The following ATF6 variants were observed in gnomAD, a reference collection of about 807,000 sequenced individuals.
ATF6 encodes the protein activating transcription factor 6.
In ATF6, 53 loss-of-function variants were observed where a neutral mutation model predicts 83.6. That is an observed-to-expected ratio of 0.63 (90% confidence interval 0.51 to 0.80). The LOEUF (loss-of-function observed/expected upper bound fraction) is 0.80. Ranked by LOEUF, ATF6 falls within the 30% of genes least tolerant of loss-of-function variation. The pLI is 0.00. For synonymous variants in ATF6, 288 were observed against 285.8 expected, an observed-to-expected ratio of 1.01 and a Z score of -0.08; for missense variants, 744 against 797.9, an observed-to-expected ratio of 0.93 and a Z score of 0.81.
At chr1:161,939,577 A>T (rs754828673) in intron 15 of ATF6, among the ~76,000 whole-genome samples, 2 of 152,214 alleles carry the variant, frequency 1.3e-5, no homozygotes, top group Non-Finnish European at 2.9e-5. Context: ...GACTGATAGG[A>T]TAGCTTGTTA....
chr1:161,910,533 G>T (rs150878985), intron 14 of ATF6, among the ~76,000 whole-genome samples: 376 of 152,292 alleles, frequency 2.5e-3, no homozygotes, highest in Non-Finnish European at 4.6e-3. Context: ...ACAACAATTA[G>T]TATGGCATCT....
At chr1:161,774,216 C>T (rs1471175355) in intron 1 of ATF6, among the ~76,000 whole-genome samples, 1 of 152,150 alleles carries the variant, frequency 6.6e-6, no homozygotes, top group Non-Finnish European at 1.5e-5. Flanking sequence ...TTCTCTTCTG[C>T]CGCTATGAGA....
intron 15 of ATF6, among the ~76,000 whole-genome samples, chr1:161,916,570 A>T (rs953374041): frequency 9.2e-5 from 14 of 152,196 alleles, no homozygotes; most frequent in African/African-American, 3.1e-4. Context: ...TGTATAGCAT[A>T]TATTCAAATC....
chr1:161,817,713 T>A (rs1233732093), intron 7 of ATF6, among the ~76,000 whole-genome samples: 2 of 152,136 alleles, frequency 1.3e-5, no homozygotes, highest in African/African-American at 4.8e-5. Flanking sequence ...TTGAAAATAT[T>A]TGGTGTTGGC....
intron 9 of ATF6, among the ~76,000 whole-genome samples, chr1:161,838,954 A>C (rs567228845): frequency 1.5e-4 from 23 of 152,286 alleles, no homozygotes; most frequent in African/African-American, 5.1e-4. Context: ...AGAAAAGAAA[A>C]CCTTTTTAAA....
chr1:161,898,274 A>G (rs1687714575), intron 14 of ATF6, among the ~76,000 whole-genome samples: 1 of 152,168 alleles, frequency 6.6e-6, no homozygotes, highest in Non-Finnish European at 1.5e-5. Flanking sequence ...TAGAGTACTA[A>G]TATTCTGTAT....
intron 15 of ATF6, among the ~76,000 whole-genome samples, chr1:161,956,690 A>G (rs569127573): frequency 1.3e-5 from 2 of 152,198 alleles, no homozygotes; most frequent in Non-Finnish European, 2.9e-5. Context: ...CTTCAACTAT[A>G]ATGGAAGAGA....
intron 15 of ATF6, among the ~76,000 whole-genome samples, chr1:161,920,481 A>G (rs1160685402): frequency 6.6e-6 from 1 of 151,492 alleles, no homozygotes; most frequent in Non-Finnish European, 1.5e-5. Flanking sequence ...TTTTTAGTAG[A>G]GACGGGGTTT....
At chr1:161,917,888 C>A (rs976769350) in intron 15 of ATF6, among the ~76,000 whole-genome samples, 9 of 152,122 alleles carry the variant, frequency 5.9e-5, no homozygotes, top group Non-Finnish European at 8.8e-5. Context: ...GGATACTCAA[C>A]TTTTATTCTC....
chr1:161,874,786 A>G (rs1436598097), intron 14 of ATF6, among the ~76,000 whole-genome samples: 2 of 151,744 alleles, frequency 1.3e-5, no homozygotes, highest in African/African-American at 4.8e-5. Flanking sequence ...CAATAAAAAT[A>G]ATAATTTTTC....
At chr1:161,954,318 A>T (rs1477426236) in intron 15 of ATF6, among the ~76,000 whole-genome samples, 1 of 151,986 alleles carries the variant, frequency 6.6e-6, no homozygotes, top group Non-Finnish European at 1.5e-5. Context: ...GTGGATATTT[A>T]TTTACCTTCC....
chr1:161,841,314 C>T (rs984747536), intron 9 of ATF6, among the ~76,000 whole-genome samples: 3 of 152,118 alleles, frequency 2.0e-5, no homozygotes, highest in Non-Finnish European at 4.4e-5. Context: ...TGTAGTTATT[C>T]AGATGGTTAA....
chr1:161,863,335 G>A, intron 14 of ATF6, 23 bp downstream of exon 14: 2 of 1,505,242 alleles, frequency 1.3e-6, no homozygotes, highest in Non-Finnish European at 9.2e-7. Context: ...TGAAAGAATA[G>A]AGCAAATATT....
chr1:161,774,995 G>A (rs1684481538), intron 1 of ATF6, among the ~76,000 whole-genome samples: 1 of 152,126 alleles, frequency 6.6e-6, no homozygotes, highest in Admixed American at 6.5e-5. Context: ...CAATTCCAGG[G>A]CTGGGAAAGT....
chr1:161,902,356 A>C (rs1687803668), intron 14 of ATF6, among the ~76,000 whole-genome samples: 1 of 152,216 alleles, frequency 6.6e-6, no homozygotes. Context: ...TACTGCTTCA[A>C]CAAGGATATT....
At chr1:161,844,238 A>G (rs1432083541) in intron 9 of ATF6, among the ~76,000 whole-genome samples, 1 of 152,200 alleles carries the variant, frequency 6.6e-6, no homozygotes, top group Non-Finnish European at 1.5e-5. Flanking sequence ...TTTATAGGAC[A>G]GTGATCAAAT....
intron 14 of ATF6, among the ~76,000 whole-genome samples, chr1:161,901,438 AAAC>A (rs1374891993): frequency 6.6e-6 from 1 of 151,978 alleles, no homozygotes; most frequent in East Asian, 1.9e-4. Context: ...TTGAAAAAAA[AAAC>A]AATTAAAATT....
intron 2 of ATF6, among the ~76,000 whole-genome samples, chr1:161,779,073 T>G (rs1684581946): frequency 1.3e-5 from 2 of 152,224 alleles, no homozygotes; most frequent in African/African-American, 4.8e-5. Flanking sequence ...GATTTAGCAG[T>G]TGTTTTTACC....
rs573386599 is a variant in ATF6, at chr1:161,915,741, C to G, written c.1804+3361C>G. ...CTGGGCTCAAGCAGTTCTCCCACTTCAGCCTCCCGAGCAGCTCCTGAACAC... is the reference window on the plus strand; with the variant it reads ...CTGGGCTCAAGCAGTTCTCCCACTTGAGCCTCCCGAGCAGCTCCTGAACAC... On this transcript the variant is annotated intron_variant, in intron 15 of 15. Coordinates refer to ENST00000367942, the MANE Select transcript of ATF6 (RefSeq NM_007348.4). Among the ~76,000 whole-genome samples, 4 of 152,024 alleles carry G rather than the reference C, an allele frequency of 2.6e-5. No individual in the cohort carries two copies. The South Asian group carries it at 6.2e-4, about 24-fold the overall frequency.
Sources: gnomAD v4.1 joint callset for allele counts (sites outside exome capture counted in the v4.1 genomes callset) on GRCh38, gnomAD v4.1.1 for gene constraint, MANE v1.5 for transcripts, NCBI Gene and HGNC (gene_info 2026-07-23, HGNC 2026-07-21) for gene names.